Variants in ADGRG3 observed in about 807,000 individuals in gnomAD.
ADGRG3 encodes the protein adhesion G protein-coupled receptor G3.
ADGRG3 carries 39 observed loss-of-function variants against 54.3 expected under a neutral mutation model. The ratio of observed to expected loss-of-function variants is 0.72; its 90% CI spans 0.56 to 0.94. The LOEUF (loss-of-function observed/expected upper bound fraction) is 0.94. Among genes scored for constraint, ADGRG3 ranks in the 40% least tolerant of loss-of-function variants. The probability of loss-of-function intolerance (pLI) is 0.00; values close to 1 mark genes in which losing one functional copy is unlikely to be tolerated. For synonymous variants in ADGRG3, 312 were observed against 290.0 expected (o/e 1.08, Z -0.77); for missense variants, 654 against 694.6 (o/e 0.94, Z 0.66).
rs1254011542 is a variant in ADGRG3 at position 57,678,225 on chromosome 16, C to G, written c.401C>G (p.Pro134Arg). The change falls in exon 4 of 12, where the codon CCC (proline) becomes CGC (arginine). Residue 134 changes from proline to arginine, a missense_variant. By Grantham distance (103) the Pro-to-Arg change is moderately radical (BLOSUM62 -2). Transcript: ENST00000333493. ...EDKPPDRVRL[P>R]KSLFRSLPGN... Reference sequence around the variant, plus strand: ...AAGCCCCCTGACAGAGTGCGACTTCCCAAGAGCCTTTTTCGATCCCTGCCA... The same window carrying G: ...AAGCCCCCTGACAGAGTGCGACTTCGCAAGAGCCTTTTTCGATCCCTGCCA... 2 of 1,614,208 alleles carry G rather than the reference C, an allele frequency of 1.2e-6. No individual in the cohort carries two copies. Among genetic ancestry groups the G allele is most frequent in the Non-Finnish European group, 8.5e-7 (1 of 1,180,024 alleles).
Position 57,683,975 on chromosome 16 carries a change from C to A in ADGRG3, c.925C>A (p.His309Asn). The change falls in exon 9 of 12, where the codon CAC (histidine) becomes AAC (asparagine). Residue 309 changes from histidine (H) to asparagine (N), a missense_variant. By Grantham distance (68) the His-to-Asn change is moderately conservative (BLOSUM62 1). Transcript: ENST00000333493. ...CAAGTCAGAAGATGCCCCAAAGATC[C>A]ACGTGGCCCTGGGTGGCAGCCTGTT... ...RFKSEDAPKI[H>N]VALGGSLFLL... 6.3e-7 allele frequency: 1 copy of A among 1,589,964 alleles called. No homozygotes were observed.
chr16:57,685,713 T>C lies in ADGRG3; in HGVS notation c.1327T>C (p.Phe443Leu), dbSNP rs745410401. ...CGTCCACGGCTACTTCCTCATCACC[T>C]TCCTCTTTGGCATGGTGGTCCTGGC... ...ITVHGYFLITFLFGMVVLALV... is the reference protein window; with the variant it reads ...ITVHGYFLITLLFGMVVLALV... The change falls in exon 11 of 12, where the codon TTC (phenylalanine) becomes CTC (leucine). Residue 443 changes from phenylalanine (F) to leucine (L), a missense_variant. Phe to Leu is a conservative substitution (Grantham distance 22). Transcript: ENST00000333493. 2.5e-6 allele frequency: 4 copies of C among 1,613,992 alleles called. No homozygotes were observed. The highest frequency in any genetic ancestry group is 1.1e-5 in the South Asian group (1 of 91,090).
chr16:57,684,216 G>A lies in ADGRG3; in HGVS notation c.1162+4G>A. ...AAGCTGAGCCTGGTGGGCTGGGGTA[G>A]GTGCTGCCTGGATGGACAGAATAAA... On this transcript the variant is annotated splice_donor_region_variant and intron_variant, in intron 9 of 11. Transcript: ENST00000333493. 1 of 1,610,670 alleles carries A rather than the reference G, an allele frequency of 6.2e-7. No homozygotes were observed. Among genetic ancestry groups the A allele is most frequent in the Non-Finnish European group, 8.5e-7 (1 of 1,177,846 alleles).
rs186208650 is a variant in ADGRG3, at chr16:57,680,485, G to T, written c.769-20G>T. On this transcript the variant is annotated intron_variant, in intron 7 of 11. Transcript: ENST00000333493. ...CCTGGCCTCCAACTGACGTGGTCCC[G>T]GTTCTGGGGTCACCCACAGAGACCC... 5 of 1,600,322 alleles carry T rather than the reference G, an allele frequency of 3.1e-6. No individual in the cohort carries two copies. Among genetic ancestry groups the T allele is most frequent in the South Asian group, 2.2e-5 (2 of 90,820 alleles).
intron 8 of ADGRG3, chr16:57,682,494 A>G: frequency 1.0e-6 from 1 of 985,324 alleles, no homozygotes; most frequent in Non-Finnish European, 1.2e-6. Context: ...GCCCTGGCCT[A>G]GGACATGGTC....
intron 2 of ADGRG3, among the ~76,000 whole-genome samples, chr16:57,675,266 G>A (rs1167302742): frequency 6.6e-6 from 1 of 151,232 alleles, no homozygotes; most frequent in African/African-American, 2.4e-5. Context: ...ATCACTTGAG[G>A]CCAGGAGCTC....
chr16:57,667,554 T>G (rs1316567098), upstream of ADGRG3, among the ~76,000 whole-genome samples: 1 of 152,236 alleles, frequency 6.6e-6, no homozygotes, highest in Non-Finnish European at 1.5e-5. Flanking sequence ...GCCTGCGTCA[T>G]CCATGATTTC....
chr16:57,669,694 GCATTCATTCATT>G lies in ADGRG3; in HGVS notation c.58+1304_58+1315del, dbSNP rs150185008. Among the ~76,000 whole-genome samples the G allele has an allele frequency of 4.6e-5, 7 of 152,144 alleles. No individual in the cohort carries two copies. In the South Asian group the frequency reaches 1.2e-3, roughly 27 times the overall value. ...GTGTTAGTCTCCATTCTCCATTTGC[GCATTCATTCATT>G]CATTCATTCATTCAGGAAGCATCGA... On this transcript the variant is annotated intron_variant, in intron 1 of 11. Coordinates refer to ENST00000333493, the MANE Select transcript of ADGRG3 (RefSeq NM_170776.5).
chr16:57,675,685 A>G (rs1276875624), intron 2 of ADGRG3, among the ~76,000 whole-genome samples: 1 of 152,130 alleles, frequency 6.6e-6, no homozygotes, highest in Non-Finnish European at 1.5e-5. Flanking sequence ...AACCCTGAAA[A>G]CATTATGCTG....
At position 57,680,301 on chromosome 16, in the gene ADGRG3, C is replaced by T. The variant is rs373345629; in HGVS notation, c.704C>T (p.Thr235Met). Residue 235 changes from threonine to methionine, a missense_variant, in exon 7 of 12, where the codon ACG (threonine) becomes ATG (methionine). Thr to Met is a moderately conservative substitution (Grantham distance 81). Transcript: ENST00000333493. ...GACTGGTCTTCTGAGGGCTGCTCCA[C>T]GGAGGTCAGACCTGAGGGGACCGTG... ...TGDWSSEGCS[T>M]EVRPEGTVCC... 33 of 1,611,868 alleles carry T rather than the reference C, an allele frequency of 2.0e-5. No individual in the cohort carries two copies. The highest frequency in any genetic ancestry group is 8.1e-5 in the African/African-American group (6 of 74,150).
intron 1 of ADGRG3, among the ~76,000 whole-genome samples, chr16:57,672,732 C>A (rs1289212021): frequency 1.3e-5 from 2 of 152,150 alleles, no homozygotes; most frequent in African/African-American, 4.8e-5. Context: ...AGCTAGTAAC[C>A]TTTCTCAAGT....
In ADGRG3 at chr16:57,677,757, C is replaced by T. The variant is rs145160404; in HGVS notation, c.346-413C>T. Among the ~76,000 whole-genome samples, 944 of 152,276 alleles carry T rather than the reference C, an allele frequency of 6.2e-3. 13 individuals are homozygous for T. The highest frequency in any genetic ancestry group is 0.021 in the African/African-American group (889 of 41,550). On this transcript the variant is annotated intron_variant, in intron 3 of 11. Coordinates refer to ENST00000333493, the MANE Select transcript of ADGRG3 (RefSeq NM_170776.5). ...CTCGCTTCCTGAACTTCCTTCCTGA[C>T]GGTTTTATTCTTTCCATTTATTCCT...
intron 5 of ADGRG3, among the ~76,000 whole-genome samples, chr16:57,679,521 A>G (rs2048324775): frequency 6.6e-6 from 1 of 152,102 alleles, no homozygotes; most frequent in South Asian, 2.1e-4. Context: ...CCACCTGCAT[A>G]CACATGGCAT....
chr16:57,685,738 C>T lies in ADGRG3; in HGVS notation c.1352C>T (p.Ala451Val). 1.9e-6 allele frequency: 3 copies of T among 1,614,168 alleles called. No homozygotes were observed. Among genetic ancestry groups the T allele is most frequent in the East Asian group, 2.2e-5 (1 of 44,886 alleles). ...TTCCTCTTTGGCATGGTGGTCCTGG[C>T]CCTGGTGGTCTGGAAGATCTTCACC... is the stretch of plus-strand genomic sequence containing the variant. Reference protein sequence around the residue: ...ITFLFGMVVLALVVWKIFTLS... With the variant: ...ITFLFGMVVLVLVVWKIFTLS... Residue 451 changes from alanine (A) to valine (V), a missense_variant, in exon 11 of 12, where the codon GCC (alanine) becomes GTC (valine). Physicochemically the swap from Ala to Val is moderately conservative, Grantham distance 64. Transcript: ENST00000333493.
Position 57,684,088 on chromosome 16 carries a change from C to A in ADGRG3, c.1038C>A (p.His346Gln). The A allele has an allele frequency of 6.2e-7, 1 of 1,614,124 alleles. No homozygotes were observed. Among genetic ancestry groups the A allele is most frequent in the South Asian group, 1.1e-5 (1 of 91,084 alleles). Residue 346 changes from histidine (H) to glutamine (Q), a missense_variant, in exon 9 of 12, where the codon CAC becomes CAA. By Grantham distance (24) the His-to-Gln change is conservative (BLOSUM62 0). Coordinates refer to ENST00000333493, the MANE Select transcript of ADGRG3 (RefSeq NM_170776.5). ...GCTGGGCCCGGGGGGCTGTCTTCCA[C>A]TACTTCCTGCTCTGTGCCTTCACCT... The part of the protein sequence containing the change: ...AACWARGAVF[H>Q]YFLLCAFTWM...
intron 3 of ADGRG3, 62 bp from the exon 4 acceptor site, chr16:57,678,108 G>A: frequency 1.9e-6 from 3 of 1,588,718 alleles, no homozygotes; most frequent in South Asian, 2.3e-5. Context: ...CCAGCTGGGG[G>A]AGTGGCAGGA....
intron 10 of ADGRG3, 70 bp downstream of exon 10, chr16:57,684,553 T>A (rs1376168110): frequency 2.6e-6 from 3 of 1,151,746 alleles, no homozygotes; most frequent in Non-Finnish European, 3.9e-6. Context: ...TGGAGAGAGG[T>A]GGGGAGAGGA....
chr16:57,686,720 G>A (rs1322924417), intron 11 of ADGRG3: 1 of 152,216 alleles, frequency 6.6e-6, no homozygotes, highest in Non-Finnish European at 1.5e-5. Flanking sequence ...GACCTTGCAA[G>A]TTGGGTGTCC....
chr16:57,683,693 G>A (rs2048417591), intron 8 of ADGRG3, among the ~76,000 whole-genome samples: 1 of 152,216 alleles, frequency 6.6e-6, no homozygotes, highest in Non-Finnish European at 1.5e-5. Context: ...CATTGATCAA[G>A]GGATGAGGCT....
Sources: gnomAD v4.1 joint callset for allele counts (sites outside exome capture counted in the v4.1 genomes callset) on GRCh38, gnomAD v4.1.1 for gene constraint, MANE v1.5 for transcripts, NCBI Gene and HGNC (gene_info 2026-07-23, HGNC 2026-07-21) for gene names.